Variants in DCAF1 observed in about 807,000 individuals in gnomAD.
DCAF1 encodes DDB1 and CUL4 associated factor 1, also known as DDB1- and CUL4-associated factor 1.
In DCAF1, 15 loss-of-function variants were observed where a neutral mutation model predicts 128.0. That is an observed-to-expected ratio of 0.12 (90% CI 0.08 to 0.18). The LOEUF (loss-of-function observed/expected upper bound fraction) is 0.18, where lower values mean the gene tolerates loss of function less well. DCAF1 is among the 10% of genes least tolerant of loss of function. The pLI, the probability that DCAF1 is intolerant of heterozygous loss-of-function variation, is 1.00. For synonymous variants in DCAF1, 610 were observed against 603.0 expected (o/e 1.01, Z -0.17); for missense variants, 988 against 1,649.5 (o/e 0.60, Z 6.95).
At chr3:51,491,280 G>A (rs1269965852) in intron 2 of DCAF1, among the ~76,000 whole-genome samples, 6 of 150,740 alleles carry the variant, frequency 4.0e-5, no homozygotes, top group South Asian at 2.1e-4. Context: ...CCTAGGAGAC[G>A]GAGGCTGCAG....
At chr3:51,482,317 C>A (rs879978674) in intron 3 of DCAF1, among the ~76,000 whole-genome samples, 2 of 150,428 alleles carry the variant, frequency 1.3e-5, no homozygotes, top group African/African-American at 4.9e-5. Flanking sequence ...TGGTGGTGCA[C>A]ACCTGTGGTC....
chr3:51,443,707 C>T, intron 7 of DCAF1, 59 bp downstream of exon 7: 6 of 1,462,714 alleles, frequency 4.1e-6, no homozygotes, highest in Non-Finnish European at 5.5e-6. Context: ...ATTCAAGTAA[C>T]AAGAACCTGT....
chr3:51,414,120 A>G, intron 19 of DCAF1, 77 bp from the exon 20 acceptor site: 1 of 1,461,584 alleles, frequency 6.8e-7, no homozygotes, highest in Non-Finnish European at 9.1e-7. Context: ...CTAAAATATC[A>G]CTTTTTTTCC....
chr3:51,400,170 T>C (rs1553624434), intron 24 of DCAF1, among the ~76,000 whole-genome samples: 1 of 151,460 alleles, frequency 6.6e-6, no homozygotes, highest in African/African-American at 2.4e-5. Context: ...TGGTGAAGAG[T>C]AGGAAAACAA....
intron 3 of DCAF1, among the ~76,000 whole-genome samples, chr3:51,474,594 T>C (rs946717571): frequency 2.0e-5 from 3 of 151,892 alleles, no homozygotes; most frequent in Admixed American, 6.6e-5. Context: ...CTTGTTTTTT[T>C]TGTTGGTGAT....
intron 18 of DCAF1, among the ~76,000 whole-genome samples, 173 bp from the exon 19 acceptor site, chr3:51,415,030 C>T (rs781785036): frequency 3.3e-5 from 5 of 151,724 alleles, no homozygotes; most frequent in Non-Finnish European, 7.4e-5. Context: ...CGTGAGCCAC[C>T]GCACCCGGCC....
chr3:51,416,022 C>T (rs2107245424), intron 18 of DCAF1, among the ~76,000 whole-genome samples: 1 of 152,302 alleles, frequency 6.6e-6, no homozygotes, highest in Admixed American at 6.5e-5. Flanking sequence ...CCCAAACCCA[C>T]AGCTCCTCTC....
intron 9 of DCAF1, among the ~76,000 whole-genome samples, chr3:51,437,678 GGTGGT>G (rs1700976871): frequency 6.6e-6 from 1 of 151,850 alleles, no homozygotes; most frequent in African/African-American, 2.4e-5. Context: ...AGCTGGGCAG[GGTGGT>G]GCGCACCTGC....
chr3:51,437,321 G>C (rs1700940211), intron 9 of DCAF1: 1 of 491,644 alleles, frequency 2.0e-6, no homozygotes, highest in Admixed American at 2.1e-5. Flanking sequence ...CCCAAACTCA[G>C]TAAAGGGAAA....
chr3:51,403,000 C>G, intron 24 of DCAF1, 143 bp downstream of exon 24: 1 of 1,361,996 alleles, frequency 7.3e-7, no homozygotes, highest in South Asian at 1.6e-5. Context: ...TGCAAAGGTG[C>G]TTTGCCTCAA....
intron 24 of DCAF1, 100 bp from the exon 25 acceptor site, chr3:51,398,927 G>C: frequency 7.0e-7 from 1 of 1,425,702 alleles, no homozygotes. Flanking sequence ...GCCCGAGCAA[G>C]GTTAACTACC....
At position 51,441,411 on chromosome 3, in the gene DCAF1, A is replaced by C; in HGVS notation, c.1000T>G (p.Leu334Val). 1 of 1,613,560 alleles carries C rather than the reference A, an allele frequency of 6.2e-7. No individual in the cohort carries two copies. The highest frequency in any genetic ancestry group is 8.5e-7 in the Non-Finnish European group (1 of 1,179,724). Residue 334 changes from leucine to valine, a missense_variant, in exon 8 of 25, where the codon TTG becomes GTG. Physicochemically the swap from Leu to Val is conservative, Grantham distance 32. This residue lies in a region of DCAF1 where 19 missense variants were observed against 61.4 expected (regional missense o/e 0.31). Coordinates refer to ENST00000684031, the MANE Select transcript of DCAF1 (RefSeq NM_001387579.1). Reference protein sequence around the residue: ...AIEQRLILQYLTPLGEYQELL... With the variant: ...AIEQRLILQYVTPLGEYQELL... The stretch of plus-strand genomic sequence containing the variant: ...TCCTGATATTCTCCTAGAGGGGTCA[A>C]ATATTGGAGAATGAGTCGCTGCTCG...
chr3:51,494,235 C>G (rs1553659645), intron 2 of DCAF1, among the ~76,000 whole-genome samples: 1 of 151,244 alleles, frequency 6.6e-6, no homozygotes, highest in Non-Finnish European at 1.5e-5. Flanking sequence ...CTGCTTCAGC[C>G]TCCCGAGTAG....
intron 23 of DCAF1, among the ~76,000 whole-genome samples, chr3:51,403,937 A>C (rs1325511323): frequency 6.6e-6 from 1 of 152,246 alleles, no homozygotes; most frequent in Non-Finnish European, 1.5e-5. Context: ...AAAAGACTTA[A>C]AATATAGAAC....
chr3:51,409,051 A>G (rs1337606190), intron 23 of DCAF1, among the ~76,000 whole-genome samples: 1 of 152,104 alleles, frequency 6.6e-6, no homozygotes, highest in Non-Finnish European at 1.5e-5. Flanking sequence ...CTTGGCTGTC[A>G]CGCTGAGGCA....
intron 2 of DCAF1, among the ~76,000 whole-genome samples, chr3:51,489,705 T>G (rs1553656984): frequency 6.6e-6 from 1 of 151,152 alleles, no homozygotes; most frequent in East Asian, 2.0e-4. Flanking sequence ...GAGAACAGCT[T>G]GAATCCAGGA....
At chr3:51,474,585 T>C (rs916840971) in intron 3 of DCAF1, among the ~76,000 whole-genome samples, 2 of 151,890 alleles carry the variant, frequency 1.3e-5, no homozygotes, top group African/African-American at 2.4e-5. Flanking sequence ...GTATGTGTAC[T>C]TGTTTTTTTT....
Position 51,441,516 on chromosome 3 carries a change from G to A in DCAF1, c.895C>T (p.Leu299=), listed in dbSNP as rs1340673169. 6.2e-7 allele frequency: 1 copy of A among 1,613,892 alleles called. No individual in the cohort carries two copies. The highest frequency in any genetic ancestry group is 8.5e-7 in the Non-Finnish European group (1 of 1,179,912). ...SSDPDRMFVE[L]SNSSWSEMSP... ...ATTTCTGACCAACTGCTATTAGACA[G>A]CTCAACAAACATGCGATCTGGATCA... Residue 299 remains leucine, a synonymous_variant, in exon 8 of 25, where the codon CTG becomes TTG. Coordinates refer to ENST00000684031, the MANE Select transcript of DCAF1 (RefSeq NM_001387579.1).
chr3:51,496,502 G>A (rs1260496109), intron 2 of DCAF1, among the ~76,000 whole-genome samples: 1 of 151,832 alleles, frequency 6.6e-6, no homozygotes. Flanking sequence ...TAAGTGCTAT[G>A]AAGAAATGAT....
Sources: allele counts gnomAD v4.1 joint callset (sites outside exome capture counted in the v4.1 genomes callset), GRCh38; gene constraint gnomAD v4.1.1; regional missense constraint gnomAD v4.1.1; transcripts MANE v1.5; gene names NCBI Gene and HGNC (gene_info 2026-07-23, HGNC 2026-07-21).